The following PTPN12 variants were observed in gnomAD, a reference collection of about 807,000 sequenced individuals.
PTPN12 encodes tyrosine-protein phosphatase non-receptor type 12.
PTPN12 carries 29 observed loss-of-function variants against 97.6 expected under a neutral mutation model. The ratio of observed to expected loss-of-function variants is 0.30; its 90% CI spans 0.22 to 0.41. PTPN12 has a LOEUF of 0.41. Among genes scored for constraint, PTPN12 ranks in the 10% least tolerant of loss-of-function variants. PTPN12 has a pLI of 1.00. For synonymous variants in PTPN12, 327 were observed against 300.4 expected (o/e 1.09, Z -0.91); for missense variants, 819 against 926.0 (o/e 0.88, Z 1.50).
At chr7:77,584,750 G>A (rs1022497673) in intron 4 of PTPN12, among the ~76,000 whole-genome samples, 21 of 151,932 alleles carry the variant, frequency 1.4e-4, no homozygotes, top group African/African-American at 5.1e-4. Context: ...GGTGGCGGGC[G>A]CCTGTAGTCC....
intron 12 of PTPN12, among the ~76,000 whole-genome samples, chr7:77,625,884 G>GA (rs1282997127): frequency 1.3e-5 from 2 of 151,554 alleles, no homozygotes; most frequent in Non-Finnish European, 2.9e-5. Context: ...TTTCTTTAAG[G>GA]AAAAAAATAA....
In PTPN12 at chr7:77,551,601, A is replaced by C. The variant is rs558915882; in HGVS notation, c.99+13956A>C. Reference sequence around the variant, plus strand: ...ATGGTCTGCTGCTACAGGTTTCTTCAACATCACGTTGTCCTTTCTTAAAAA... The same window carrying C: ...ATGGTCTGCTGCTACAGGTTTCTTCCACATCACGTTGTCCTTTCTTAAAAA... On this transcript the variant is annotated intron_variant, in intron 1 of 17. Coordinates refer to ENST00000248594, the MANE Select transcript of PTPN12 (RefSeq NM_002835.4). Among the ~76,000 whole-genome samples the C allele has an allele frequency of 8.5e-5, 13 of 152,312 alleles. No individual in the cohort carries two copies. In the East Asian group the frequency reaches 2.5e-3, roughly 29 times the overall value.
At chr7:77,600,910 C>A in intron 8 of PTPN12, 104 bp downstream of exon 8, 1 of 1,032,746 alleles carries the variant, frequency 9.7e-7, no homozygotes, top group Non-Finnish European at 1.4e-6. Flanking sequence ...TTTCTCCTAG[C>A]CTTGATACAA....
chr7:77,635,806 G>A lies in PTPN12; in HGVS notation c.2099G>A (p.Ser700Asn). ...GATACACCTGTAAGATCGGAATGGA[G>A]TGAACTTCAAAGTCAGGAACGATCT... The part of the protein sequence containing the change: ...EHNTPVRSEW[S>N]ELQSQERSEQ... The change falls in exon 15 of 18, where the codon AGT becomes AAT. Residue 700 changes from serine (S) to asparagine (N), a missense_variant. Coordinates refer to ENST00000248594, the MANE Select transcript of PTPN12 (RefSeq NM_002835.4). The A allele has an allele frequency of 6.2e-7, 1 of 1,607,448 alleles. No homozygotes were observed. The highest frequency in any genetic ancestry group is 8.5e-7 in the Non-Finnish European group (1 of 1,177,224).
intron 14 of PTPN12, among the ~76,000 whole-genome samples, chr7:77,632,918 T>C (rs1346453202): frequency 6.6e-6 from 1 of 152,094 alleles, no homozygotes; most frequent in African/African-American, 2.4e-5. Context: ...GATTGCGCCA[T>C]TGCATTCCAG....
intron 11 of PTPN12, among the ~76,000 whole-genome samples, chr7:77,616,729 T>C (rs1788762581): frequency 6.6e-6 from 1 of 152,214 alleles, no homozygotes; most frequent in South Asian, 2.1e-4. Context: ...TACAGAATTA[T>C]GGTTATATCA....
chr7:77,625,467 T>TGCTCGCTCTC lies in PTPN12; in HGVS notation c.1026-1237_1026-1228dup, dbSNP rs1789104007. Among the ~76,000 whole-genome samples, 8 of 19,918 alleles carry TGCTCGCTCTC rather than the reference T, an allele frequency of 4.0e-4. 2 individuals are homozygous for TGCTCGCTCTC. Among genetic ancestry groups the TGCTCGCTCTC allele is most frequent in the Non-Finnish European group, 6.0e-4 (8 of 13,310 alleles). The allele number at this position is 19,918 out of a possible 152,430, so 13.1% of individuals were successfully genotyped here. ...CAGGGTTTTGCCATATTGCCCAGGC[T>TGCTCGCTCTC]GCTCGCTCTCTCTCTCTCTCTCTCT... On this transcript the variant is annotated intron_variant, in intron 12 of 17. Coordinates refer to ENST00000248594, the MANE Select transcript of PTPN12 (RefSeq NM_002835.4).
At position 77,639,440 on chromosome 7, in the gene PTPN12, T is replaced by C; in HGVS notation, c.*160T>C. The C allele has an allele frequency of 5.4e-6, 3 of 559,424 alleles. No individual in the cohort carries two copies. The highest frequency in any genetic ancestry group is 9.4e-6 in the Non-Finnish European group (3 of 319,938). The allele number at this position is 559,424 out of a possible 1,614,324, so 34.7% of individuals were successfully genotyped here. A position where few individuals can be genotyped will look rare whatever the true frequency, so the allele number is the denominator to read the frequency against. ...ACCATCTACCTGCCTTATACTACAC[T>C]TAGGAAAAAGTATTACATATGGTTT... On this transcript the variant is annotated 3_prime_UTR_variant, in exon 18 of 18. Coordinates refer to ENST00000248594, the MANE Select transcript of PTPN12 (RefSeq NM_002835.4).
At chr7:77,569,208 A>G (rs1012880551) in intron 1 of PTPN12, among the ~76,000 whole-genome samples, 1 of 152,218 alleles carries the variant, frequency 6.6e-6, no homozygotes, top group Admixed American at 6.5e-5. Flanking sequence ...GCATATGTAC[A>G]AGCAAATGCA....
intron 1 of PTPN12, among the ~76,000 whole-genome samples, chr7:77,554,248 A>G (rs1294807307): frequency 1.3e-5 from 2 of 152,252 alleles, no homozygotes; most frequent in African/African-American, 4.8e-5. Flanking sequence ...TATAGGCATG[A>G]GCCACTGTGC....
chr7:77,604,778 C>T, intron 8 of PTPN12: 2 of 243,516 alleles, frequency 8.2e-6, no homozygotes, highest in South Asian at 4.5e-5. Flanking sequence ...GATAAATATC[C>T]AATATGTTTA....
intron 5 of PTPN12, among the ~76,000 whole-genome samples, chr7:77,589,089 G>A (rs1302394141): frequency 6.6e-6 from 1 of 152,104 alleles, no homozygotes; most frequent in African/African-American, 2.4e-5. Flanking sequence ...GGCCAGGCTG[G>A]TCTCGAACTC....
At chr7:77,582,292 G>A (rs1472269691) in intron 3 of PTPN12, among the ~76,000 whole-genome samples, 2 of 151,654 alleles carry the variant, frequency 1.3e-5, no homozygotes, top group African/African-American at 2.4e-5. Flanking sequence ...ACTGCGCCCA[G>A]CGTCAAGTTC....
chr7:77,582,967 A>G (rs1039751032), intron 3 of PTPN12, among the ~76,000 whole-genome samples: 2 of 152,084 alleles, frequency 1.3e-5, no homozygotes, highest in African/African-American at 4.8e-5. Context: ...TCTTTTTTTA[A>G]GGCTGTTTGT....
At chr7:77,635,896 C>T (rs745847764) in intron 15 of PTPN12, 47 bp downstream of exon 15, 1 of 1,238,294 alleles carries the variant, frequency 8.1e-7, no homozygotes, top group Non-Finnish European at 1.1e-6. Flanking sequence ...CATTTCTACT[C>T]TTTTGTTAAC....
chr7:77,610,463 C>T lies in PTPN12; in HGVS notation c.763-302C>T, dbSNP rs1788533609. ...CCTTCACTTTTTATGGGATAACCTT[C>T]TTTTGATATCCAACTATGTTGTAGC... is the stretch of plus-strand genomic sequence containing the variant. On this transcript the variant is annotated intron_variant, in intron 9 of 17. Transcript: ENST00000248594. Among the ~76,000 whole-genome samples, 3 of 152,262 alleles carry T rather than the reference C, an allele frequency of 2.0e-5. 1 individual carries two copies. In the South Asian group the frequency reaches 6.2e-4, roughly 32 times the overall value.
chr7:77,565,186 G>C (rs545958860), intron 1 of PTPN12, among the ~76,000 whole-genome samples: 1 of 152,276 alleles, frequency 6.6e-6, no homozygotes, highest in South Asian at 2.1e-4. Flanking sequence ...TATTCCGAAA[G>C]GAATTTCAGT....
chr7:77,599,640 T>G (rs943412429), intron 7 of PTPN12, among the ~76,000 whole-genome samples: 3 of 152,186 alleles, frequency 2.0e-5, no homozygotes, highest in Non-Finnish European at 2.9e-5. Context: ...AGTACCTTAA[T>G]GAATTTCTGT....
chr7:77,580,913 T>TTTTAA (rs1787493295), intron 2 of PTPN12, among the ~76,000 whole-genome samples: 1 of 152,248 alleles, frequency 6.6e-6, no homozygotes, highest in South Asian at 2.1e-4. Flanking sequence ...CTGCAGAGGC[T>TTTTAA]GAAACCCTAG....
Sources: allele counts gnomAD v4.1 joint callset (sites outside exome capture counted in the v4.1 genomes callset), GRCh38; gene constraint gnomAD v4.1.1; transcripts MANE v1.5; gene names NCBI Gene and HGNC (gene_info 2026-07-23, HGNC 2026-07-21).